Variants in OTOF observed in about 807,000 individuals in gnomAD.
OTOF encodes the protein otoferlin.
OTOF carries 218 observed loss-of-function variants against 236.8 expected under a neutral mutation model. The ratio of observed to expected loss-of-function variants is 0.92; its 90% CI spans 0.82 to 1.03. OTOF has a LOEUF of 1.03. Ranked by LOEUF, OTOF falls within the 50% of genes least tolerant of loss-of-function variation. OTOF has a pLI of 0.00. For missense variants in OTOF, 2,590 were observed against 2,694.4 expected (o/e 0.96, Z 0.86); for synonymous variants, 1,041 against 1,072.5 (o/e 0.97, Z 0.57).
chr2:26,477,650 A>G lies in OTOF; in HGVS notation c.2314T>C (p.Cys772Arg), dbSNP rs777632872. 1 of 1,612,068 alleles carries G rather than the reference A, an allele frequency of 6.2e-7. No individual in the cohort carries two copies. The highest frequency in any genetic ancestry group is 8.5e-7 in the Non-Finnish European group (1 of 1,179,854). The change falls in exon 19 of 47, where the codon TGC becomes CGC. Residue 772 changes from cysteine to arginine, a missense_variant and splice_region_variant. Coordinates refer to ENST00000272371, the MANE Select transcript of OTOF (RefSeq NM_194248.3). The surrounding 1 kb of genome is among the most constrained non-coding windows in gnomAD (Gnocchi z 4.7). The stretch of plus-strand genomic sequence containing the variant: ...CACCTGCCGCCCCTCCCTTCTCACC[A>G]GCAGCCACAGCTCAGCTCCTCCAGG... Reference protein sequence around the residue: ...GVLEELSCGCCRFLSLADKDQ... With the variant: ...GVLEELSCGCRRFLSLADKDQ...
At chr2:26,458,383 C>CT (rs1664290271) in intron 46 of OTOF, among the ~76,000 whole-genome samples, 163 bp from the exon 47 acceptor site, 1 of 152,228 alleles carries the variant, frequency 6.6e-6, no homozygotes, top group Non-Finnish European at 1.5e-5. Context: ...AAGTACCCGA[C>CT]TTGCTGCTTA....
At chr2:26,492,126 C>T (rs1352982830) in intron 9 of OTOF, among the ~76,000 whole-genome samples, 1 of 152,110 alleles carries the variant, frequency 6.6e-6, no homozygotes, top group Non-Finnish European at 1.5e-5. Flanking sequence ...GCTGGAAAGG[C>T]TGATTTGGGG....
chr2:26,545,311 G>A (rs1667305560), intron 1 of OTOF, among the ~76,000 whole-genome samples: 1 of 152,054 alleles, frequency 6.6e-6, no homozygotes, highest in Admixed American at 6.6e-5. Context: ...CTTATTCTAT[G>A]GAGTGTCTCT....
Position 26,484,580 on chromosome 2 carries a change from A to G in OTOF, c.1099T>C (p.Ser367Pro). 1 of 1,613,824 alleles carries G rather than the reference A, an allele frequency of 6.2e-7. No individual in the cohort carries two copies. The highest frequency in any genetic ancestry group is 1.1e-5 in the South Asian group (1 of 91,074). The change falls in exon 12 of 47, where the codon TCG (serine) becomes CCG (proline). Residue 367 changes from serine (S) to proline (P), a missense_variant. By Grantham distance (74) the Ser-to-Pro change is moderately conservative. This residue lies in a region of OTOF where 1,379 missense variants were observed against 1,341.6 expected (regional missense o/e 1.03). Transcript: ENST00000272371. ...CACTTCACGTAGCCCTTCAGCCCCG[A>G]GGAGATGTCATCGGGGTCAGACAGG... Reference protein sequence around the residue: ...AILSDPDDISSGLKGYVKCDV... With the variant: ...AILSDPDDISPGLKGYVKCDV...
chr2:26,457,549 TGTG>T lies in OTOF; in HGVS notation c.*686_*688del, dbSNP rs1261118637. Reference sequence around the variant, plus strand: ...TGGCAGAAGCAGCCGCGCTGGGACTTGTGGGCAGGGTCTGGCCCCTGCTGCGGA... The same window carrying T: ...TGGCAGAAGCAGCCGCGCTGGGACTTGGCAGGGTCTGGCCCCTGCTGCGGA... On this transcript the variant is annotated 3_prime_UTR_variant, in exon 47 of 47. Transcript: ENST00000272371. This position sits in a 1 kb window ranked among gnomAD's most constrained non-coding sequence, Gnocchi z 4.4. 1 of 153,818 alleles carries T rather than the reference TGTG, an allele frequency of 6.5e-6. No individual in the cohort carries two copies. The highest frequency in any genetic ancestry group is 2.4e-5 in the African/African-American group (1 of 41,438). 9.5% of individuals were successfully genotyped at this position (153,818 alleles called of 1,614,324 possible). A position where few individuals can be genotyped will look rare whatever the true frequency, so the allele number is the denominator to read the frequency against.
chr2:26,540,704 A>T (rs1423869254), intron 1 of OTOF, among the ~76,000 whole-genome samples: 1 of 150,164 alleles, frequency 6.7e-6, no homozygotes, highest in Non-Finnish European at 1.5e-5. Context: ...GTGTGGATGC[A>T]GTCTGAAAGG....
rs957951760 is a variant in OTOF, at chr2:26,521,871, G to A, written c.228-2762C>T. Among the ~76,000 whole-genome samples, 14 of 152,326 alleles carry A rather than the reference G, an allele frequency of 9.2e-5. 1 individual carries two copies. In the East Asian group the frequency reaches 1.7e-3, roughly 19 times the overall value. On this transcript the variant is annotated intron_variant, in intron 3 of 46. Coordinates refer to ENST00000272371, the MANE Select transcript of OTOF (RefSeq NM_194248.3). ...CTGCTATAGCCCTCCGACTTCCACC[G>A]GACAGTGGTGAGGAGACTGCTCATG... is the stretch of plus-strand genomic sequence containing the variant.
At chr2:26,551,328 C>T (rs1286946685) in intron 1 of OTOF, among the ~76,000 whole-genome samples, 2 of 152,212 alleles carry the variant, frequency 1.3e-5, no homozygotes, top group African/African-American at 4.8e-5. Context: ...AGCTGCGACC[C>T]TTCAAGGGCT....
At chr2:26,496,030 C>CT (rs1220888461) in intron 8 of OTOF, among the ~76,000 whole-genome samples, 1 of 152,168 alleles carries the variant, frequency 6.6e-6, no homozygotes, top group Non-Finnish European at 1.5e-5. Context: ...CCTGAGCCGC[C>CT]TTTTTCAGCC....
Position 26,477,101 on chromosome 2 carries a change from GC to G in OTOF, c.2524-59del. 6.4e-7 allele frequency: 1 copy of G among 1,551,746 alleles called. No homozygotes were observed. On this transcript the variant is annotated intron_variant, in intron 21 of 46. Coordinates refer to ENST00000272371, the MANE Select transcript of OTOF (RefSeq NM_194248.3). The surrounding 1 kb of genome is among the most constrained non-coding windows in gnomAD (Gnocchi z 4.7). The stretch of plus-strand genomic sequence containing the variant: ...TAAGGGGGTCTAGCCTCCTGATTGA[GC>G]CCCCTGATCCTGAGGGGCCCCAGAG...
chr2:26,471,085 C>G (rs372800863), intron 31 of OTOF, 36 bp downstream of exon 31: 2 of 1,613,092 alleles, frequency 1.2e-6, no homozygotes, highest in Non-Finnish European at 1.7e-6. Flanking sequence ...AAAGGACCCT[C>G]TCACCCCAGA....
chr2:26,476,490 C>G (rs535957203), intron 22 of OTOF, among the ~76,000 whole-genome samples, 173 bp from the exon 23 acceptor site: 62 of 149,104 alleles, frequency 4.2e-4, no homozygotes, highest in Non-Finnish European at 4.2e-4. Flanking sequence ...CGTCATGCCC[C>G]CTTCCCCACC....
rs1664260150 is a variant in OTOF at position 26,457,888 on chromosome 2, G to A, written c.*350C>T. 2 of 768,836 alleles carry A rather than the reference G, an allele frequency of 2.6e-6. No individual in the cohort carries two copies. Among genetic ancestry groups the A allele is most frequent in the Non-Finnish European group, 4.3e-6 (2 of 470,074 alleles). 47.6% of individuals were successfully genotyped at this position (768,836 alleles called of 1,614,324 possible). A position where few individuals can be genotyped will look rare whatever the true frequency, so the allele number is the denominator to read the frequency against. On this transcript the variant is annotated 3_prime_UTR_variant, in exon 47 of 47. Coordinates refer to ENST00000272371, the MANE Select transcript of OTOF (RefSeq NM_194248.3). The surrounding 1 kb of genome is among the most constrained non-coding windows in gnomAD (Gnocchi z 4.4). ...GCCGCAGCCTGGGGCAGTGAGGACA[G>A]GCGGCCCCCGCAAGCAGGAGGCAGG...
chr2:26,505,860 A>T (rs548769886), intron 5 of OTOF, among the ~76,000 whole-genome samples: 2 of 152,356 alleles, frequency 1.3e-5, no homozygotes, highest in South Asian at 4.1e-4. Context: ...GGATGCTGTC[A>T]TCTGTGGAAT....
intron 23 of OTOF, 31 bp downstream of exon 23, chr2:26,476,097 G>A: frequency 6.2e-7 from 1 of 1,611,502 alleles, no homozygotes; most frequent in Non-Finnish European, 8.5e-7. Flanking sequence ...CCCCTCCCAG[G>A]TGAGGCTTCG....
intron 2 of OTOF, among the ~76,000 whole-genome samples, chr2:26,530,832 G>T (rs1274822419): frequency 6.6e-6 from 1 of 152,136 alleles, no homozygotes; most frequent in Non-Finnish European, 1.5e-5. Flanking sequence ...CCAGCCTGGA[G>T]ACCGATCAAG....
chr2:26,475,410 C>T lies in OTOF; in HGVS notation c.3075G>A (p.Leu1025=), dbSNP rs1236818216. The T allele has an allele frequency of 5.6e-6, 9 of 1,613,088 alleles. No homozygotes were observed. Among genetic ancestry groups the T allele is most frequent in the African/African-American group, 1.3e-5 (1 of 74,924 alleles). Reference sequence around the variant, plus strand: ...TGACAATGATGGGCGGATCGTCCCTCAGCTCATGAGCTTCACCATAGAGCT... The same window carrying T: ...TGACAATGATGGGCGGATCGTCCCTTAGCTCATGAGCTTCACCATAGAGCT... ...NLELYGEAHE[L]RDDPPIIVIE... is the part of the protein sequence containing the mutation. The change falls in exon 25 of 47, where the codon CTG becomes CTA. Residue 1025 remains leucine, a synonymous_variant. Coordinates refer to ENST00000272371, the MANE Select transcript of OTOF (RefSeq NM_194248.3).
chr2:26,486,146 A>G (rs899771225), intron 11 of OTOF, among the ~76,000 whole-genome samples: 1 of 147,808 alleles, frequency 6.8e-6, no homozygotes, highest in Non-Finnish European at 1.5e-5. Context: ...GGGTGGGTAG[A>G]TATATGGATG....
chr2:26,549,314 AT>A (rs546828031), intron 1 of OTOF, among the ~76,000 whole-genome samples: 195 of 152,260 alleles, frequency 1.3e-3, no homozygotes, highest in African/African-American at 3.9e-3. Context: ...TGTAATAACA[AT>A]TTTTTTCCCC....
Sources: allele counts gnomAD v4.1 joint callset (sites outside exome capture counted in the v4.1 genomes callset), GRCh38; gene constraint gnomAD v4.1.1; regional missense constraint gnomAD v4.1.1; non-coding constraint Gnocchi (gnomAD v3.1); transcripts MANE v1.5; gene names NCBI Gene and HGNC (gene_info 2026-07-23, HGNC 2026-07-21).